The following RIC3 variants were observed in gnomAD, a reference collection of about 807,000 sequenced individuals.
The protein encoded by RIC3 is protein RIC-3.
A neutral mutation model predicts 27.3 loss-of-function variants in RIC3; 28 were observed. The ratio of observed to expected loss-of-function variants is 1.02; its 90% confidence interval spans 0.76 to 1.41. The LOEUF is 1.41. RIC3 is among the 40% of genes most tolerant of loss of function. RIC3 has a pLI of 0.00. For missense variants in RIC3, 501 were observed against 444.7 expected (o/e 1.13, Z -1.14); for synonymous variants, 184 against 160.4 (o/e 1.15, Z -1.11).
intron 5 of RIC3, among the ~76,000 whole-genome samples, chr11:8,111,977 G>A (rs11041744): frequency 0.035 from 5,361 of 152,330 alleles, 115 homozygotes; most frequent in South Asian, 0.084. Context: ...GAAAGCTGGA[G>A]GATTCAGAAC....
intron 4 of RIC3, among the ~76,000 whole-genome samples, chr11:8,133,773 T>TA (rs1307578112): frequency 6.6e-6 from 1 of 152,136 alleles, no homozygotes; most frequent in Non-Finnish European, 1.5e-5. Flanking sequence ...AGACAGTAGT[T>TA]AGAGGTTATA....
the RIC3 span, among the ~76,000 whole-genome samples, chr11:8,099,652 CAG>C: frequency 6.6e-6 from 1 of 152,284 alleles, no homozygotes; most frequent in East Asian, 1.9e-4. Flanking sequence ...AGCTATGAAA[CAG>C]ATCTATCAGT....
At chr11:8,156,503 G>A (rs1234270642) in intron 1 of RIC3, among the ~76,000 whole-genome samples, 2 of 152,120 alleles carry the variant, frequency 1.3e-5, no homozygotes, top group Admixed American at 6.6e-5. Flanking sequence ...AACAAATTCT[G>A]ATTTTCCCTC....
chr11:8,141,629 A>T (rs1403940197), intron 1 of RIC3, among the ~76,000 whole-genome samples: 2 of 151,744 alleles, frequency 1.3e-5, no homozygotes, highest in African/African-American at 2.4e-5. Context: ...CGAGACAGAA[A>T]GTCAACAAGG....
At chr11:8,147,457 A>G (rs1222612450) in intron 1 of RIC3, among the ~76,000 whole-genome samples, 4 of 152,198 alleles carry the variant, frequency 2.6e-5, no homozygotes, top group East Asian at 1.9e-4. Context: ...AAGAAAGAAA[A>G]AAAAAAGTGG....
At chr11:8,145,191 TA>T (rs1043100390) in intron 1 of RIC3, among the ~76,000 whole-genome samples, 20 of 108,970 alleles carry the variant, frequency 1.8e-4, no homozygotes, top group African/African-American at 9.2e-4. Context: ...AAAAAAAAAT[TA>T]AAAAAAAATT....
intron 4 of RIC3, among the ~76,000 whole-genome samples, chr11:8,130,473 A>G (rs1457881469): frequency 6.6e-6 from 1 of 152,100 alleles, no homozygotes; most frequent in Non-Finnish European, 1.5e-5. Flanking sequence ...GCTACCCCAC[A>G]TTCTTCCAAT....
intron 1 of RIC3, among the ~76,000 whole-genome samples, chr11:8,155,208 G>A (rs1950562974): frequency 7.9e-6 from 1 of 126,098 alleles, no homozygotes; most frequent in Non-Finnish European, 1.6e-5. Context: ...GGCAACAGGA[G>A]ACCCCATCTT....
At chr11:8,120,638 G>A (rs1946332868) in intron 5 of RIC3, among the ~76,000 whole-genome samples, 1 of 151,722 alleles carries the variant, frequency 6.6e-6, no homozygotes, top group South Asian at 2.1e-4. Context: ...TAACAAACCT[G>A]CACGTTGTAC....
chr11:8,128,474 CA>C (rs1947253537), intron 4 of RIC3: 1 of 346,912 alleles, frequency 2.9e-6, no homozygotes, highest in Non-Finnish European at 5.7e-6. Flanking sequence ...CCATATCATG[CA>C]TTATGCATTA....
In RIC3 at chr11:8,110,729, A is replaced by T. The variant is rs757948622; in HGVS notation, c.1079T>A (p.Leu360Gln). ...STDKAYTGSM[L>Q]RKRNPQGLE ...TAAACCCTGGGGGTTACGCTTCCTC[A>T]GCATGCTGCCTGTATATGCTTTATC... is the stretch of plus-strand genomic sequence containing the variant. The change falls in exon 6 of 6, where the codon CTG becomes CAG. Residue 360 changes from leucine to glutamine, a missense_variant. By Grantham distance (113) the Leu-to-Gln change is moderately radical (BLOSUM62 -2). Coordinates refer to ENST00000309737, the MANE Select transcript of RIC3 (RefSeq NM_001206671.4). The T allele has an allele frequency of 6.2e-7, 1 of 1,614,232 alleles. No individual in the cohort carries two copies. Among genetic ancestry groups the T allele is most frequent in the Admixed American group, 1.7e-5 (1 of 60,032 alleles).
At chr11:8,119,563 T>C (rs1946228420) in intron 5 of RIC3, among the ~76,000 whole-genome samples, 1 of 152,160 alleles carries the variant, frequency 6.6e-6, no homozygotes, top group Non-Finnish European at 1.5e-5. Flanking sequence ...ATTAAAGACT[T>C]AAATGTTAGA....
At chr11:8,168,771 G>T in intron 1 of RIC3, 95 bp downstream of exon 1, 1 of 1,483,156 alleles carries the variant, frequency 6.7e-7, no homozygotes, top group Non-Finnish European at 9.0e-7. Context: ...ATATTTCGGT[G>T]AAGGCTGCAG....
intron 5 of RIC3, among the ~76,000 whole-genome samples, chr11:8,125,779 C>T (rs1398235977): frequency 6.6e-6 from 1 of 152,180 alleles, no homozygotes; most frequent in Non-Finnish European, 1.5e-5. Context: ...AGGCCCACAC[C>T]TATAATCCCA....
chr11:8,134,195 T>C (rs185814729), intron 4 of RIC3, among the ~76,000 whole-genome samples: 1 of 152,130 alleles, frequency 6.6e-6, no homozygotes, highest in Non-Finnish European at 1.5e-5. Context: ...CCTTCCTGTG[T>C]CCAAGTGTTC....
Position 8,122,301 on chromosome 11 carries a change from TA to T in RIC3, c.670+4357del, listed in dbSNP as rs541452665. Among the ~76,000 whole-genome samples, 503 of 152,316 alleles carry T rather than the reference TA, an allele frequency of 3.3e-3. 5 individuals carry two copies. Among genetic ancestry groups the T allele is most frequent in the African/African-American group, 0.011 (470 of 41,558 alleles). On this transcript the variant is annotated intron_variant, in intron 5 of 5. Transcript: ENST00000309737. ...ACAACTAATCAGTCCTCTATTTCTA[TA>T]ATATTGCCACGTCAATTATAAATGG...
chr11:8,127,788 G>C (rs1947170787), intron 4 of RIC3, among the ~76,000 whole-genome samples: 1 of 152,184 alleles, frequency 6.6e-6, no homozygotes, highest in African/African-American at 2.4e-5. Context: ...CTATGTACTA[G>C]CCTGTGGAGA....
chr11:8,113,093 A>C (rs989510516), intron 5 of RIC3, among the ~76,000 whole-genome samples: 3 of 152,198 alleles, frequency 2.0e-5, no homozygotes, highest in African/African-American at 7.2e-5. Context: ...CCAAGGCTTA[A>C]CTTACTGCGG....
chr11:8,101,700 T>C, downstream of RIC3: 1 of 1,557,702 alleles, frequency 6.4e-7, no homozygotes, highest in Non-Finnish European at 8.7e-7. Context: ...CTGCCTATCC[T>C]CTGTATATAG....
Sources: gnomAD v4.1 joint callset for allele counts (sites outside exome capture counted in the v4.1 genomes callset) on GRCh38, gnomAD v4.1.1 for gene constraint, MANE v1.5 for transcripts, NCBI Gene and HGNC (gene_info 2026-07-23, HGNC 2026-07-21) for gene names.